MAML3: variants seen among roughly 807,000 people sequenced by gnomAD.
MAML3 encodes mastermind like transcriptional coactivator 3.
A neutral mutation model predicts 101.9 loss-of-function variants in MAML3; 27 were observed. The ratio of observed to expected loss-of-function variants is 0.27; its 90% CI spans 0.20 to 0.37. The LOEUF (loss-of-function observed/expected upper bound fraction) is 0.37, where lower values mean the gene tolerates loss of function less well. Among genes scored for constraint, MAML3 ranks in the 10% least tolerant of loss-of-function variants. MAML3 has a pLI of 1.00. For missense variants in MAML3, 1,316 were observed against 1,444.9 expected (o/e 0.91, Z 1.45); for synonymous variants, 501 against 555.9 (o/e 0.90, Z 1.39).
At chr4:139,909,336 T>A (rs1732876445) in intron 1 of MAML3, among the ~76,000 whole-genome samples, 1 of 152,224 alleles carries the variant, frequency 6.6e-6, no homozygotes, top group Admixed American at 6.5e-5. Flanking sequence ...CATGAATATT[T>A]AACGAACAGG....
intron 1 of MAML3, among the ~76,000 whole-genome samples, chr4:140,043,787 C>G (rs369057952): frequency 2.0e-5 from 3 of 152,066 alleles, no homozygotes; most frequent in African/African-American, 4.8e-5. Context: ...CAGAAAAGTA[C>G]GTTGAAAATC....
At position 139,959,580 on chromosome 4, in the gene MAML3, G is replaced by A. The variant is rs567189202; in HGVS notation, c.469-68613C>T. Among the ~76,000 whole-genome samples, 132 of 152,298 alleles carry A rather than the reference G, an allele frequency of 8.7e-4. 1 individual carries two copies. The highest frequency in any genetic ancestry group is 1.6e-3 in the Non-Finnish European group (106 of 68,016). ...AGCAGCAGTTTTAATGAGCATGTGAGCCTTTTCCGCCTCAGCGAGTGGCAG... is the reference window on the plus strand; with the variant it reads ...AGCAGCAGTTTTAATGAGCATGTGAACCTTTTCCGCCTCAGCGAGTGGCAG... On this transcript the variant is annotated intron_variant, in intron 1 of 4. Coordinates refer to ENST00000509479, the MANE Select transcript of MAML3 (RefSeq NM_018717.5).
chr4:140,038,022 T>C (rs545489940), intron 1 of MAML3, among the ~76,000 whole-genome samples: 16 of 152,342 alleles, frequency 1.1e-4, no homozygotes, highest in African/African-American at 3.6e-4. Context: ...AGCTAAGATA[T>C]CTTCTGCAGA....
rs780259107 is a variant in MAML3 at position 140,153,048 on chromosome 4, T to C, written c.280A>G (p.Arg94Gly). 3.2e-6 allele frequency: 5 copies of C among 1,582,480 alleles called. No homozygotes were observed. The Admixed American group carries it at 7.3e-5, about 23-fold the overall frequency. Residue 94 changes from arginine to glycine, a missense_variant, in exon 1 of 5, where the codon AGG (arginine) becomes GGG (glycine). Transcript: ENST00000509479. ...CRRHHVNCEN[R>G]YQQAQVEQLE... ...TGCTCCACCTGAGCCTGCTGGTACCTGTTCTCGCAGTTGACGTGGTGCCGA... is the reference window on the plus strand; with the variant it reads ...TGCTCCACCTGAGCCTGCTGGTACCCGTTCTCGCAGTTGACGTGGTGCCGA...
At chr4:139,943,964 G>T (rs923752016) in intron 1 of MAML3, among the ~76,000 whole-genome samples, 2 of 136,432 alleles carry the variant, frequency 1.5e-5, no homozygotes, top group African/African-American at 5.6e-5. Flanking sequence ...TCCGCCTCCC[G>T]GGTTCAAGCG....
At chr4:139,841,055 A>G (rs886506075) in intron 2 of MAML3, among the ~76,000 whole-genome samples, 1 of 152,252 alleles carries the variant, frequency 6.6e-6, no homozygotes, top group Admixed American at 6.5e-5. Flanking sequence ...AAGGGATAAC[A>G]ACATAGAACC....
chr4:139,983,632 A>G (rs1470340859), intron 1 of MAML3, among the ~76,000 whole-genome samples: 1 of 152,196 alleles, frequency 6.6e-6, no homozygotes, highest in Admixed American at 6.5e-5. Context: ...TCATGTCAAC[A>G]CTCAAAAAGT....
At chr4:139,902,253 GCACA>G (rs1248333692) in intron 1 of MAML3, among the ~76,000 whole-genome samples, 7 of 52,330 alleles carry the variant, frequency 1.3e-4, no homozygotes, top group Non-Finnish European at 4.7e-4. Flanking sequence ...GCACGCACAC[GCACA>G]CACACGCACA....
intron 1 of MAML3, among the ~76,000 whole-genome samples, chr4:140,104,680 A>G (rs1266213766): frequency 6.6e-6 from 1 of 150,766 alleles, no homozygotes; most frequent in African/African-American, 2.4e-5. Context: ...TTTTGTGGAG[A>G]TGAGGTTTCG....
chr4:139,881,947 C>T (rs1027044503), intron 2 of MAML3, among the ~76,000 whole-genome samples: 1 of 152,156 alleles, frequency 6.6e-6, no homozygotes, highest in Non-Finnish European at 1.5e-5. Context: ...CCGCCTCAGC[C>T]TCCCAAAGTG....
At position 140,153,374 on chromosome 4, in the gene MAML3, C is replaced by A; in HGVS notation, c.-47G>T. ...TTTGGAAGAACTTTTTTTATCCACC[C>A]CCCTATCAGCCTCCTCCTTGGGTCC... On this transcript the variant is annotated 5_prime_UTR_variant, in exon 1 of 5. Transcript: ENST00000509479. The A allele has an allele frequency of 6.6e-7, 1 of 1,508,614 alleles. No homozygotes were observed. The highest frequency in any genetic ancestry group is 8.9e-7 in the Non-Finnish European group (1 of 1,129,402). The allele number at this position is 1,508,614 out of a possible 1,614,324, so 93.5% of individuals were successfully genotyped here. A position where few individuals can be genotyped will look rare whatever the true frequency, so the allele number is the denominator to read the frequency against.
In MAML3 at chr4:139,723,500, C is replaced by T. The variant is rs1017712342; in HGVS notation, c.2416+2251G>A. 4.6e-5 allele frequency among the ~76,000 whole-genome samples: 7 copies of T among 152,140 alleles called. No individual in the cohort carries two copies. In the Middle Eastern group the frequency reaches 0.01, roughly 222 times the overall value. On this transcript the variant is annotated intron_variant, in intron 4 of 4. Transcript: ENST00000509479. ...TAATTTTTTGTATTTTTAGTAGAGACGGGGTTTCTCCATGTTGGTCAGGCT... is the reference window on the plus strand; with the variant it reads ...TAATTTTTTGTATTTTTAGTAGAGATGGGGTTTCTCCATGTTGGTCAGGCT...
At chr4:139,737,993 A>G (rs1421792617) in intron 2 of MAML3, among the ~76,000 whole-genome samples, 1 of 152,260 alleles carries the variant, frequency 6.6e-6, no homozygotes, top group African/African-American at 2.4e-5. Flanking sequence ...TTGGGGCCCA[A>G]TGCGAAGGCT....
At chr4:139,989,764 C>T (rs928523760) in intron 1 of MAML3, among the ~76,000 whole-genome samples, 1 of 151,658 alleles carries the variant, frequency 6.6e-6, no homozygotes, top group African/African-American at 2.4e-5. Flanking sequence ...TATATTCATG[C>T]CGTAGCCAGT....
At chr4:140,070,576 A>G (rs1012826271) in intron 1 of MAML3, among the ~76,000 whole-genome samples, 1 of 152,208 alleles carries the variant, frequency 6.6e-6, no homozygotes, top group African/African-American at 2.4e-5. Flanking sequence ...CTGACACCCA[A>G]GAACCGAAAT....
intron 2 of MAML3, among the ~76,000 whole-genome samples, chr4:139,888,368 C>A (rs913032829): frequency 1.3e-5 from 2 of 152,192 alleles, no homozygotes; most frequent in African/African-American, 2.4e-5. Flanking sequence ...AGTAAAATGA[C>A]CATGTCTGCA....
chr4:139,798,050 A>C (rs1018913626), intron 2 of MAML3, among the ~76,000 whole-genome samples: 2 of 109,212 alleles, frequency 1.8e-5, no homozygotes, highest in South Asian at 3.0e-4. Flanking sequence ...GAAAGAAAGA[A>C]AGAAAGAAAG....
At position 139,778,982 on chromosome 4, in the gene MAML3, C is replaced by CAAAAA. The variant is rs67782985; in HGVS notation, c.2080-48320_2080-48316dup. On this transcript the variant is annotated intron_variant, in intron 2 of 4. Coordinates refer to ENST00000509479, the MANE Select transcript of MAML3 (RefSeq NM_018717.5). ...TGGGTGACAGAGCGAGACTCCACCT[C>CAAAAA]AAAAAAAAAAAAAAAAAGAAAAAGA... Among the ~76,000 whole-genome samples the CAAAAA allele has an allele frequency of 5.0e-5, 5 of 100,636 alleles. No homozygotes were observed. In the East Asian group the frequency reaches 9.4e-4, roughly 19 times the overall value. 66.0% of individuals were successfully genotyped at this position (100,636 alleles called of 152,430 possible).
rs375828698 is a variant in MAML3 at position 140,034,596 on chromosome 4, G to A, written c.468+118264C>T. On this transcript the variant is annotated intron_variant, in intron 1 of 4. Transcript: ENST00000509479. Reference sequence around the variant, plus strand: ...TATTTTGTGCTAGATGCTCCATAACGCCATATAGCACAGTGGTTAAGAGCA... The same window carrying A: ...TATTTTGTGCTAGATGCTCCATAACACCATATAGCACAGTGGTTAAGAGCA... Among the ~76,000 whole-genome samples the A allele has an allele frequency of 3.9e-5, 6 of 152,250 alleles. No individual in the cohort carries two copies. In the East Asian group the frequency reaches 9.7e-4, roughly 25 times the overall value.
Sources: gnomAD v4.1 joint callset for allele counts (sites outside exome capture counted in the v4.1 genomes callset) on GRCh38, gnomAD v4.1.1 for gene constraint, MANE v1.5 for transcripts, NCBI Gene and HGNC (gene_info 2026-07-23, HGNC 2026-07-21) for gene names.